Variants in UNC93A observed in about 807,000 individuals in gnomAD.
UNC93A encodes unc-93 homolog A, also known as N-acetylglucosamine transporter UNC93A.
Under a neutral mutation model 47.5 loss-of-function variants are expected in UNC93A, and 43 were observed. The ratio of observed to expected loss-of-function variants is 0.91; its 90% CI spans 0.71 to 1.17. The LOEUF (loss-of-function observed/expected upper bound fraction) is 1.17. Ranked by LOEUF, UNC93A falls within the 50% of genes most tolerant of loss-of-function variation. The probability of loss-of-function intolerance (pLI) is 0.00; values close to 1 mark genes in which losing one functional copy is unlikely to be tolerated. For synonymous variants in UNC93A, 280 were observed against 258.0 expected (o/e 1.09, Z -0.82); for missense variants, 605 against 577.6 (o/e 1.05, Z -0.49).
intron 7 of UNC93A, among the ~76,000 whole-genome samples, chr6:167,308,763 G>C (rs182660497): frequency 6.6e-6 from 1 of 152,082 alleles, no homozygotes; most frequent in African/African-American, 2.4e-5. Flanking sequence ...TGACACCCAG[G>C]AGTGACTGGG....
intron 1 of UNC93A, among the ~76,000 whole-genome samples, chr6:167,279,382 T>C (rs1011836518): frequency 3.3e-5 from 5 of 152,240 alleles, no homozygotes; most frequent in Non-Finnish European, 7.3e-5. Flanking sequence ...CTTTACACCA[T>C]ATAAATGTTT....
chr6:167,278,555 T>G (rs56032612), intron 1 of UNC93A, among the ~76,000 whole-genome samples: 4,947 of 152,312 alleles, frequency 0.032, 274 homozygotes, highest in African/African-American at 0.11. Context: ...ATAAAATCCA[T>G]ACAGTGTTCC....
rs767790735 is a variant in UNC93A, at chr6:167,296,077, C to T, written c.315C>T (p.Ala105=). The T allele has an allele frequency of 1.2e-6, 2 of 1,614,220 alleles. No homozygotes were observed. The highest frequency in any genetic ancestry group is 4.5e-5 in the East Asian group (2 of 44,890). Residue 105 remains alanine (A), a synonymous_variant, in exon 3 of 8, where the codon GCC becomes GCT. Transcript: ENST00000230256. ...PTSILLGLGA[A]PLWSAQCTYL... Reference sequence around the variant, plus strand: ...CCATACTGCTGGGACTCGGGGCCGCCCCGCTGTGGTCTGCACAGTGCACAT... The same window carrying T: ...CCATACTGCTGGGACTCGGGGCCGCTCCGCTGTGGTCTGCACAGTGCACAT...
At chr6:167,310,115 T>G (rs867724801) in intron 7 of UNC93A, among the ~76,000 whole-genome samples, 5 of 118,156 alleles carry the variant, frequency 4.2e-5, no homozygotes, top group African/African-American at 1.5e-4. Flanking sequence ...CATCAAACAG[T>G]ATTTGTTTAA....
chr6:167,278,976 T>G (rs1319621074), intron 1 of UNC93A, among the ~76,000 whole-genome samples: 1 of 152,262 alleles, frequency 6.6e-6, no homozygotes, highest in Non-Finnish European at 1.5e-5. Flanking sequence ...TAATTAACTT[T>G]GACGAAAATC....
At chr6:167,281,019 CT>C (rs1339830756) in intron 1 of UNC93A, among the ~76,000 whole-genome samples, 1 of 152,182 alleles carries the variant, frequency 6.6e-6, no homozygotes, top group Non-Finnish European at 1.5e-5. Context: ...TCAGAGGTTC[CT>C]TCTGAAGTTG....
upstream of UNC93A, among the ~76,000 whole-genome samples, chr6:167,286,563 G>T (rs1254244441): frequency 2.0e-5 from 3 of 152,330 alleles, no homozygotes; most frequent in African/African-American, 7.2e-5. Context: ...AAATTGTATG[G>T]ATGTTTGTGG....
At chr6:167,300,959 G>A (rs1376080291) in intron 4 of UNC93A, among the ~76,000 whole-genome samples, 1 of 152,244 alleles carries the variant, frequency 6.6e-6, no homozygotes, top group Admixed American at 6.5e-5. Flanking sequence ...ATCTTTCTGA[G>A]GATCATATGG....
chr6:167,311,259 T>C (rs1196734269), intron 7 of UNC93A, among the ~76,000 whole-genome samples: 12 of 152,238 alleles, frequency 7.9e-5, no homozygotes, highest in Non-Finnish European at 1.0e-4. Flanking sequence ...CAGTCATCAC[T>C]GCTCAATTTA....
chr6:167,280,989 C>A lies in UNC93A; in HGVS notation c.-52+9531C>A, dbSNP rs1783622332. Among the ~76,000 whole-genome samples, 4 of 152,294 alleles carry A rather than the reference C, an allele frequency of 2.6e-5. No homozygotes were observed. In the South Asian group the frequency reaches 6.2e-4, roughly 24 times the overall value. On this transcript the variant is annotated intron_variant, in intron 1 of 3. Transcript: ENST00000503433. ...TACTTCTTTCCCTTAGCAAAACAAACAAGCAAATCAACCTATTTTTCAGAG... is the reference window on the plus strand; with the variant it reads ...TACTTCTTTCCCTTAGCAAAACAAAAAAGCAAATCAACCTATTTTTCAGAG...
chr6:167,279,328 T>TA (rs1260267527), intron 1 of UNC93A, among the ~76,000 whole-genome samples: 1 of 152,146 alleles, frequency 6.6e-6, no homozygotes, highest in Non-Finnish European at 1.5e-5. Flanking sequence ...CTTCACCCTG[T>TA]AAAAAAACAG....
At chr6:167,295,143 C>A (rs1221267809) in intron 2 of UNC93A, among the ~76,000 whole-genome samples, 1 of 152,142 alleles carries the variant, frequency 6.6e-6, no homozygotes, top group East Asian at 1.9e-4. Flanking sequence ...GATGGGAGGC[C>A]ACCCTGCTCC....
At chr6:167,305,377 C>G (rs1024854801) in intron 5 of UNC93A, among the ~76,000 whole-genome samples, 15 of 152,184 alleles carry the variant, frequency 9.9e-5, no homozygotes, top group Non-Finnish European at 1.5e-4. Flanking sequence ...CTTGTCCCCC[C>G]TGATGTGGCT....
At chr6:167,305,182 C>G (rs527670027) in intron 5 of UNC93A, among the ~76,000 whole-genome samples, 4 of 152,214 alleles carry the variant, frequency 2.6e-5, no homozygotes, top group Admixed American at 6.5e-5. Context: ...TTCAGATAAA[C>G]CACAAATGTC....
intron 1 of UNC93A, 25 bp from the exon 2 acceptor site, chr6:167,294,492 G>C (rs1275447074): frequency 6.2e-7 from 1 of 1,612,908 alleles, no homozygotes; most frequent in Non-Finnish European, 8.5e-7. Context: ...CCTGTGCTCT[G>C]ACAGGGCTGG....
At chr6:167,296,912 A>G (rs550324737) in intron 3 of UNC93A, among the ~76,000 whole-genome samples, 10 of 152,292 alleles carry the variant, frequency 6.6e-5, no homozygotes, top group Admixed American at 3.3e-4. Flanking sequence ...TAGTATCACA[A>G]CTATTTCTAT....
At chr6:167,311,609 C>T (rs570315005) in intron 7 of UNC93A, among the ~76,000 whole-genome samples, 1 of 152,242 alleles carries the variant, frequency 6.6e-6, no homozygotes. Context: ...GCCCTATTCA[C>T]TTAACCTGTC....
chr6:167,273,176 A>G (rs534030913), intron 1 of UNC93A, among the ~76,000 whole-genome samples: 8 of 152,300 alleles, frequency 5.3e-5, no homozygotes, highest in Admixed American at 2.0e-4. Context: ...GTCCCAGGGA[A>G]GCAGGTCCTT....
chr6:167,292,084 T>C (rs909798619), intron 1 of UNC93A, among the ~76,000 whole-genome samples: 1 of 152,208 alleles, frequency 6.6e-6, no homozygotes, highest in Non-Finnish European at 1.5e-5. Flanking sequence ...CGTGAGCCCA[T>C]GAAAAAGCCA....
Sources: gnomAD v4.1 joint callset for allele counts (sites outside exome capture counted in the v4.1 genomes callset) on GRCh38, gnomAD v4.1.1 for gene constraint, MANE v1.5 for transcripts, NCBI Gene and HGNC (gene_info 2026-07-23, HGNC 2026-07-21) for gene names.